The following MARCHF1 variants were observed in gnomAD, a reference collection of about 807,000 sequenced individuals.
MARCHF1 encodes membrane associated ring-CH-type finger 1.
In MARCHF1, 40 loss-of-function variants were observed where a neutral mutation model predicts 54.2. That is an observed-to-expected ratio of 0.74 (90% CI 0.57 to 0.96). MARCHF1 has a LOEUF of 0.96. Among genes scored for constraint, MARCHF1 ranks in the 40% least tolerant of loss-of-function variants. MARCHF1 has a pLI of 0.00. For missense variants in MARCHF1, 586 were observed against 656.5 expected (o/e 0.89, Z 1.17); for synonymous variants, 236 against 236.3 (o/e 1.00, Z 0.01).
chr4:164,076,569 G>A (rs769771784), intron 2 of MARCHF1, among the ~76,000 whole-genome samples: 2 of 152,122 alleles, frequency 1.3e-5, no homozygotes, highest in African/African-American at 4.8e-5. Context: ...TAAATAAAGG[G>A]CATTCAAACA....
At chr4:163,798,374 T>C (rs1400087389) in intron 4 of MARCHF1, among the ~76,000 whole-genome samples, 1 of 152,174 alleles carries the variant, frequency 6.6e-6, no homozygotes, top group Non-Finnish European at 1.5e-5. Context: ...ATAAAAATTA[T>C]TTTTGTTTAA....
chr4:164,101,234 G>A (rs1398278370), intron 2 of MARCHF1, among the ~76,000 whole-genome samples: 20 of 152,268 alleles, frequency 1.3e-4, no homozygotes, highest in Admixed American at 2.6e-4. Context: ...AAAGCAGCCT[G>A]GAAGCTCAAA....
intron 5 of MARCHF1, among the ~76,000 whole-genome samples, chr4:163,656,961 CA>C (rs1414120407): frequency 6.6e-6 from 1 of 151,998 alleles, no homozygotes; most frequent in Non-Finnish European, 1.5e-5. Flanking sequence ...ACTGAATAGG[CA>C]AATGCTGGAA....
chr4:163,708,286 G>A (rs964054494), intron 4 of MARCHF1, among the ~76,000 whole-genome samples: 1 of 151,956 alleles, frequency 6.6e-6, no homozygotes, highest in Non-Finnish European at 1.5e-5. Flanking sequence ...CTCAGACCTC[G>A]GGAGGATGGC....
intron 3 of MARCHF1, among the ~76,000 whole-genome samples, chr4:163,958,611 G>A (rs184553979): frequency 2.6e-5 from 4 of 152,012 alleles, no homozygotes; most frequent in African/African-American, 7.2e-5. Context: ...CCTTTGTTAA[G>A]AGTAAGATTT....
chr4:163,620,598 CACACACACAGAG>C (rs1191925444), intron 5 of MARCHF1, among the ~76,000 whole-genome samples: 73 of 82,858 alleles, frequency 8.8e-4, no homozygotes, highest in African/African-American at 4.0e-3. Flanking sequence ...CACACACACA[CACACACACAGAG>C]AGAGAGAGAG....
At chr4:163,834,603 TC>T (rs1474991515) in intron 4 of MARCHF1, among the ~76,000 whole-genome samples, 2 of 57,208 alleles carry the variant, frequency 3.5e-5, no homozygotes, top group East Asian at 1.1e-3. Flanking sequence ...CCCTCCCCCC[TC>T]CCCCCACCCC....
intron 1 of MARCHF1, among the ~76,000 whole-genome samples, chr4:164,374,959 G>T (rs956249689): frequency 1.3e-5 from 2 of 152,058 alleles, no homozygotes; most frequent in South Asian, 2.1e-4. Context: ...ATTTCACAGG[G>T]TGCCTGGGAC....
chr4:163,604,312 C>T (rs1741073601), intron 7 of MARCHF1, among the ~76,000 whole-genome samples: 2 of 152,156 alleles, frequency 1.3e-5, no homozygotes, highest in Admixed American at 1.3e-4. Flanking sequence ...AAATCTCTCT[C>T]TCAAACAATG....
rs1193631912 is a variant in MARCHF1 at position 164,379,382 on chromosome 4, T to C, written c.-323+4488A>G. ...AGTACAGGGAGCATGTTGGGTACAGTGAAACCATCTATTAAACATGTAACT... is the reference window on the plus strand; with the variant it reads ...AGTACAGGGAGCATGTTGGGTACAGCGAAACCATCTATTAAACATGTAACT... On this transcript the variant is annotated intron_variant, in intron 1 of 9. Coordinates refer to ENST00000514618, the MANE Select transcript of MARCHF1 (RefSeq NM_001394959.1). Among the ~76,000 whole-genome samples, 3 of 152,120 alleles carry C rather than the reference T, an allele frequency of 2.0e-5. No homozygotes were observed. The East Asian group carries it at 5.8e-4, about 29-fold the overall frequency.
intron 1 of MARCHF1, among the ~76,000 whole-genome samples, chr4:164,223,107 T>C (rs888033237): frequency 1.3e-5 from 2 of 152,004 alleles, no homozygotes; most frequent in African/African-American, 2.4e-5. Flanking sequence ...GCCCCCATGA[T>C]TCAATTATCT....
At chr4:163,705,015 C>G (rs573168663) in intron 4 of MARCHF1, among the ~76,000 whole-genome samples, 1 of 151,344 alleles carries the variant, frequency 6.6e-6, no homozygotes, top group Non-Finnish European at 1.5e-5. Context: ...ATTATTGCAA[C>G]AAATATGAAA....
At chr4:163,535,264 G>C (rs1339095276) in intron 9 of MARCHF1, among the ~76,000 whole-genome samples, 3 of 152,016 alleles carry the variant, frequency 2.0e-5, no homozygotes, top group Non-Finnish European at 4.4e-5. Context: ...GAAAATATCA[G>C]GCTGATACAA....
At chr4:163,775,681 C>T (rs1016605468) in intron 4 of MARCHF1, among the ~76,000 whole-genome samples, 17 of 151,892 alleles carry the variant, frequency 1.1e-4, no homozygotes, top group Middle Eastern at 3.2e-3. Flanking sequence ...AATAAGAAGG[C>T]GGCTAGGAGT....
intron 1 of MARCHF1, among the ~76,000 whole-genome samples, chr4:164,134,590 G>C (rs1023701): frequency 0.73 from 110,385 of 151,858 alleles, 41,085 homozygotes; most frequent in Non-Finnish European, 0.82. Flanking sequence ...TATTCCTTCT[G>C]ACGTCACACT....
At chr4:164,327,484 T>C (rs1735314396) in intron 1 of MARCHF1, among the ~76,000 whole-genome samples, 2 of 152,236 alleles carry the variant, frequency 1.3e-5, no homozygotes, top group South Asian at 2.1e-4. Context: ...AGGTGGTTGT[T>C]GTCAGGTCAG....
At chr4:163,663,907 G>A (rs1344576319) in intron 5 of MARCHF1, among the ~76,000 whole-genome samples, 1 of 151,574 alleles carries the variant, frequency 6.6e-6, no homozygotes, top group South Asian at 2.1e-4. Flanking sequence ...ACACAGTTAT[G>A]TCAAAGCTTT....
At chr4:164,158,087 G>A (rs1304522849) in intron 1 of MARCHF1, among the ~76,000 whole-genome samples, 3 of 152,096 alleles carry the variant, frequency 2.0e-5, no homozygotes, top group Non-Finnish European at 4.4e-5. Context: ...TGCACTTGAT[G>A]CTATATTTGA....
chr4:164,009,316 A>T (rs912776291), intron 2 of MARCHF1, among the ~76,000 whole-genome samples: 15 of 152,162 alleles, frequency 9.9e-5, no homozygotes, highest in African/African-American at 3.6e-4. Flanking sequence ...CAAGTCTCTC[A>T]TTAAATAAAA....
Sources: allele counts gnomAD v4.1 joint callset (sites outside exome capture counted in the v4.1 genomes callset), GRCh38; gene constraint gnomAD v4.1.1; transcripts MANE v1.5; gene names NCBI Gene and HGNC (gene_info 2026-07-23, HGNC 2026-07-21).